Variants in ZNF717 observed in about 807,000 individuals in gnomAD.
ZNF717 encodes krueppel-like factor X17.
In ZNF717, 9 loss-of-function variants were observed where a neutral mutation model predicts 13.8. The observed-to-expected ratio is 0.65, with a 90% confidence interval of 0.39 to 1.14. ZNF717 has a LOEUF of 1.14. ZNF717 is among the 50% of genes most tolerant of loss of function. The pLI, the probability that ZNF717 is intolerant of heterozygous loss-of-function variation, is 0.01. For synonymous variants in ZNF717, 327 were observed against 364.1 expected, an observed-to-expected ratio of 0.90 and a Z score of 1.16; for missense variants, 1,040 against 1,080.7, an observed-to-expected ratio of 0.96 and a Z score of 0.53.
Position 75,739,073 on chromosome 3 carries a change from C to T in ZNF717, c.550G>A (p.Asp184Asn), listed in dbSNP as rs1939974309. ...TQSGEKPHVC[D>N]ITRRSHRHHE... is the part of the protein sequence containing the mutation. ...TGTCTGTGGGATCTCCTGGTTATATCACAGACATGAGGTTTCTCTCCAGAC... is the reference window on the plus strand; with the variant it reads ...TGTCTGTGGGATCTCCTGGTTATATTACAGACATGAGGTTTCTCTCCAGAC... The change falls in exon 5 of 5, where the codon GAT becomes AAT. Residue 184 changes from aspartate (D) to asparagine (N), a missense_variant. Physicochemically the swap from Asp to Asn is conservative, Grantham distance 23. Around this residue, in one of 3 missense-constraint regions of ZNF717, gnomAD observed 873 missense variants for 832.8 expected, o/e 1.05. Coordinates refer to ENST00000652011, the MANE Select transcript of ZNF717 (RefSeq NM_001290208.3). 9.7e-6 allele frequency: 15 copies of T among 1,551,582 alleles called. No individual in the cohort carries two copies. In the Admixed American group the frequency reaches 2.9e-4, roughly 30 times the overall value.
At chr3:75,699,215 A>T (rs1480265243) in intron 6 of ZNF717, among the ~76,000 whole-genome samples, 2 of 152,264 alleles carry the variant, frequency 1.3e-5, no homozygotes, top group Non-Finnish European at 2.9e-5. Flanking sequence ...GGAGGAAGGA[A>T]CTAGCTTTGT....
downstream of ZNF717, among the ~76,000 whole-genome samples, chr3:75,734,370 G>A (rs181025094): frequency 9.3e-5 from 14 of 150,278 alleles, no homozygotes; most frequent in East Asian, 2.6e-3. Context: ...CACCTGGCTT[G>A]AATCTACATT....
exon 6 of ZNF717, chr3:75,711,289 T>C (rs1484748284): frequency 6.6e-6 from 1 of 152,256 alleles, no homozygotes; most frequent in Non-Finnish European, 1.5e-5. Flanking sequence ...AAACTATAGG[T>C]AGCTTACGAG....
chr3:75,779,457 C>CA (rs1175603898), intron 2 of ZNF717, among the ~76,000 whole-genome samples: 1 of 150,164 alleles, frequency 6.7e-6, no homozygotes, highest in Non-Finnish European at 1.5e-5. Flanking sequence ...GAACCCAAAA[C>CA]AAAGGGAGTG....
intron 2 of ZNF717, among the ~76,000 whole-genome samples, chr3:75,768,031 A>C (rs555632006): frequency 6.5e-4 from 99 of 152,308 alleles, no homozygotes; most frequent in African/African-American, 2.3e-3. Flanking sequence ...AGGAGTAAAA[A>C]GGCACAAACG....
exon 5 of ZNF717, chr3:75,716,494 T>C (rs1170815438): frequency 6.6e-6 from 1 of 152,042 alleles, no homozygotes; most frequent in African/African-American, 2.4e-5. Context: ...TCCAAACCAG[T>C]TCCCAAATGG....
At chr3:75,744,715 A>T (rs1352827694) in intron 2 of ZNF717, among the ~76,000 whole-genome samples, 4 of 151,974 alleles carry the variant, frequency 2.6e-5, no homozygotes, top group African/African-American at 7.3e-5. Context: ...CCTGTGACAA[A>T]CACCTGACAA....
At chr3:75,769,972 G>A (rs1207298921) in intron 2 of ZNF717, among the ~76,000 whole-genome samples, 1 of 152,128 alleles carries the variant, frequency 6.6e-6, no homozygotes, top group African/African-American at 2.4e-5. Flanking sequence ...ATAAACAAGA[G>A]GTAGAAAATA....
At chr3:75,763,194 A>T (rs544775523) in intron 2 of ZNF717, among the ~76,000 whole-genome samples, 1 of 152,354 alleles carries the variant, frequency 6.6e-6, no homozygotes, top group South Asian at 2.1e-4. Context: ...TATCAAACCT[A>T]AAAGTTTCTA....
At chr3:75,708,836 C>T (rs2106830801), downstream of ZNF717, among the ~76,000 whole-genome samples, 1 of 152,254 alleles carries the variant, frequency 6.6e-6, no homozygotes, top group South Asian at 2.1e-4. Context: ...TCTCATGGTT[C>T]TACAGGCCTT....
At chr3:75,705,292 T>G (rs796500863), downstream of ZNF717, among the ~76,000 whole-genome samples, 1 of 152,300 alleles carries the variant, frequency 6.6e-6, no homozygotes, top group Non-Finnish European at 1.5e-5. Context: ...TAATTTGTTT[T>G]ACAGAAGAGA....
At chr3:75,708,966 G>A (rs1403494264), downstream of ZNF717, among the ~76,000 whole-genome samples, 1 of 151,632 alleles carries the variant, frequency 6.6e-6, no homozygotes, top group Non-Finnish European at 1.5e-5. Flanking sequence ...ACAGAGGGAG[G>A]GGAGAAGTGC....
intron 2 of ZNF717, among the ~76,000 whole-genome samples, chr3:75,768,870 G>C (rs1209431561): frequency 6.6e-6 from 1 of 152,004 alleles, no homozygotes; most frequent in African/African-American, 2.4e-5. Context: ...ACCTGATTCA[G>C]TCCTCACTGT....
chr3:75,699,265 G>T (rs796115484), intron 6 of ZNF717, among the ~76,000 whole-genome samples: 1 of 152,304 alleles, frequency 6.6e-6, no homozygotes, highest in African/African-American at 2.4e-5. Flanking sequence ...AGGCTGAAAT[G>T]AGTTAAGACT....
intron 2 of ZNF717, among the ~76,000 whole-genome samples, chr3:75,770,778 A>C (rs1214898263): frequency 3.3e-5 from 5 of 152,168 alleles, no homozygotes; most frequent in Non-Finnish European, 7.3e-5. Flanking sequence ...AGCAACAAAG[A>C]AGCATTCAAC....
At chr3:75,752,874 A>C (rs1942022278) in intron 2 of ZNF717, among the ~76,000 whole-genome samples, 1 of 149,532 alleles carries the variant, frequency 6.7e-6, no homozygotes, top group East Asian at 2.1e-4. Context: ...CTGTGGTCTG[A>C]AAGTTTGTCC....
chr3:75,779,801 A>C (rs1443682532), intron 2 of ZNF717, among the ~76,000 whole-genome samples: 1 of 151,494 alleles, frequency 6.6e-6, no homozygotes, highest in Non-Finnish European at 1.5e-5. Flanking sequence ...ACCGGAACCC[A>C]AAACCATGGG....
chr3:75,747,935 T>C (rs1375411368), intron 2 of ZNF717, among the ~76,000 whole-genome samples: 1 of 152,076 alleles, frequency 6.6e-6, no homozygotes, highest in Non-Finnish European at 1.5e-5. Flanking sequence ...ACAAAATTGA[T>C]AGACCACTAG....
chr3:75,772,891 A>G (rs533378751), intron 2 of ZNF717, among the ~76,000 whole-genome samples: 127 of 152,356 alleles, frequency 8.3e-4, no homozygotes, highest in African/African-American at 2.8e-3. Context: ...GGATTGTGGT[A>G]AATTCTCTCT....
Sources: gnomAD v4.1 joint callset for allele counts (sites outside exome capture counted in the v4.1 genomes callset) on GRCh38, gnomAD v4.1.1 for gene constraint, gnomAD v4.1.1 regional missense constraint, MANE v1.5 for transcripts, NCBI Gene and HGNC (gene_info 2026-07-23, HGNC 2026-07-21) for gene names.